The following GPR179 variants were observed in gnomAD, a reference collection of about 807,000 sequenced individuals.
GPR179 encodes the protein G protein-coupled receptor 179.
Under a neutral mutation model 70.8 loss-of-function variants are expected in GPR179, and 52 were observed. The observed-to-expected ratio is 0.73, with a 90% CI of 0.59 to 0.93. The LOEUF (loss-of-function observed/expected upper bound fraction) is 0.93, where lower values mean the gene tolerates loss of function less well. Ranked by LOEUF, GPR179 falls within the 40% of genes least tolerant of loss-of-function variation. The pLI, the probability that GPR179 is intolerant of heterozygous loss-of-function variation, is 0.00. For missense variants in GPR179, 2,734 were observed against 2,966.8 expected, an observed-to-expected ratio of 0.92 and a Z score of 1.82; for synonymous variants, 1,123 against 1,169.0, an observed-to-expected ratio of 0.96 and a Z score of 0.80.
Position 38,343,285 on chromosome 17 carries a change from T to C in GPR179, c.505A>G (p.Thr169Ala), listed in dbSNP as rs868346631. 6.2e-7 allele frequency: 1 copy of C among 1,614,094 alleles called. No homozygotes were observed. Among genetic ancestry groups the C allele is most frequent in the African/African-American group, 1.3e-5 (1 of 75,020 alleles). The change falls in exon 1 of 11, where the codon ACT (threonine) becomes GCT (alanine). Residue 169 changes from threonine to alanine, a missense_variant. Transcript: ENST00000616987. This position sits in a 1 kb window ranked among gnomAD's most constrained non-coding sequence, Gnocchi z 4.2. ...TCCTGCAGGATGGTTTCCTCCCCAG[T>C]CCGGGTGGCCTGCAGGGCCAGCTGT... Reference protein sequence around the residue: ...HLQLALQATRTGEETILQDLS... With the variant: ...HLQLALQATRAGEETILQDLS...
At position 38,327,453 on chromosome 17, in the gene GPR179, C is replaced by T. The variant is rs755803717; in HGVS notation, c.6116G>A (p.Gly2039Glu). ...VKGVSRQDGK[G>E]DSQEEKGRAP... ...TCTGCCTTTCTCTTCTTGAGAGTCCCCTTTTCCATCCTGCCTTGACACCCC... is the reference window on the plus strand; with the variant it reads ...TCTGCCTTTCTCTTCTTGAGAGTCCTCTTTTCCATCCTGCCTTGACACCCC... The change falls in exon 11 of 11, where the codon GGG becomes GAG. Residue 2039 changes from glycine (G) to glutamate (E), a missense_variant. Coordinates refer to ENST00000616987, the MANE Select transcript of GPR179 (RefSeq NM_001004334.4). The T allele has an allele frequency of 1.2e-6, 2 of 1,614,082 alleles. No individual in the cohort carries two copies. Among genetic ancestry groups the T allele is most frequent in the Admixed American group, 1.7e-5 (1 of 60,010 alleles).
chr17:38,335,357 G>A (rs1597667186), intron 6 of GPR179, 86 bp from the exon 7 acceptor site: 1 of 1,027,036 alleles, frequency 9.7e-7, no homozygotes. Flanking sequence ...TCTGTCCATT[G>A]CTGCCCTCTC....
chr17:38,341,996 A>G (rs2037452631), intron 1 of GPR179, among the ~76,000 whole-genome samples: 1 of 152,130 alleles, frequency 6.6e-6, no homozygotes, highest in African/African-American at 2.4e-5. Flanking sequence ...GCGCACCTGT[A>G]ATCCCAGCTA....
chr17:38,333,863 AC>A (rs1275035739), intron 9 of GPR179, 69 bp downstream of exon 9: 1 of 1,231,440 alleles, frequency 8.1e-7, no homozygotes, highest in Non-Finnish European at 1.2e-6. Flanking sequence ...GCGCTGCGGG[AC>A]AACCGCTCCA....
Position 38,335,068 on chromosome 17 carries a change from CAG to C in GPR179, c.1608_1609del (p.Cys537SerfsTer13). On this transcript the variant is annotated frameshift_variant, in exon 7 of 11. Transcript: ENST00000616987. LOFTEE classifies it high-confidence loss of function. ...GATGTAGTCCCAGCGGTCGTGGTGA[CAG>C]AGGTAGAAATGGCGGCCACTGGGAG... is the stretch of plus-strand genomic sequence containing the variant. 1 of 1,613,728 alleles carries C rather than the reference CAG, an allele frequency of 6.2e-7. No homozygotes were observed. Among genetic ancestry groups the C allele is most frequent in the South Asian group, 1.1e-5 (1 of 91,082 alleles).
intron 4 of GPR179, 50 bp from the exon 5 acceptor site, chr17:38,336,194 A>G: frequency 2.4e-6 from 3 of 1,250,960 alleles, no homozygotes; most frequent in Non-Finnish European, 1.2e-6. Context: ...CGATGGTTCT[A>G]GAGGCTCTCA....
Position 38,327,896 on chromosome 17 carries a change from G to A in GPR179, c.5673C>T (p.Ile1891=). ...LRESPAQAPK[I]SDLPSSMSSE... is the part of the protein sequence containing the mutation. ...TACTCATGCTGCTGGGCAAGTCTGA[G>A]ATCTTGGGGGCCTGAGCAGGGGATT... The change falls in exon 11 of 11, where the codon ATC becomes ATT. Residue 1891 remains isoleucine, a synonymous_variant. Transcript: ENST00000616987. The A allele has an allele frequency of 6.2e-7, 1 of 1,614,204 alleles. No individual in the cohort carries two copies. The highest frequency in any genetic ancestry group is 8.5e-7 in the Non-Finnish European group (1 of 1,180,036).
intron 10 of GPR179, 129 bp from the exon 11 acceptor site, chr17:38,331,660 C>T (rs71384214): frequency 0.013 from 18,663 of 1,447,482 alleles, 178 homozygotes; most frequent in Middle Eastern, 0.026. Context: ...TATCTCTTCC[C>T]TGCTTCTAAA....
At chr17:38,336,051 G>T in intron 5 of GPR179, 25 bp downstream of exon 5, 1 of 1,582,358 alleles carries the variant, frequency 6.3e-7, no homozygotes, top group Non-Finnish European at 8.7e-7. Context: ...TGGAAGGTGG[G>T]GCCAGCCTGT....
chr17:38,327,329 T>C lies in GPR179; in HGVS notation c.6240A>G (p.Gln2080=). 1 of 1,614,250 alleles carries C rather than the reference T, an allele frequency of 6.2e-7. No homozygotes were observed. Among genetic ancestry groups the C allele is most frequent in the Non-Finnish European group, 8.5e-7 (1 of 1,180,042 alleles). The change falls in exon 11 of 11, where the codon CAA becomes CAG. Residue 2080 remains glutamine, a synonymous_variant. Transcript: ENST00000616987. ...GCTGTGGGGACAGACCCTTGCCATC[T>C]TGACTCTCCCAGGGACACACAGCCT... The part of the protein sequence containing the change: ...QQEAVCPWES[Q]DGKGLSPQPA...
In GPR179 at chr17:38,328,464, G is replaced by A; in HGVS notation, c.5105C>T (p.Ala1702Val). 6.2e-7 allele frequency: 1 copy of A among 1,614,092 alleles called. No individual in the cohort carries two copies. The highest frequency in any genetic ancestry group is 8.5e-7 in the Non-Finnish European group (1 of 1,180,018). Residue 1702 changes from alanine (A) to valine (V), a missense_variant, in exon 11 of 11, where the codon GCA becomes GTA. Transcript: ENST00000616987. ...DVEENLTAGKAEICPWEVGAG... is the reference protein window; with the variant it reads ...DVEENLTAGKVEICPWEVGAG... Reference sequence around the variant, plus strand: ...ACCCACCTCCCAGGGACAGATTTCTGCCTTCCCAGCAGTCAAGTTTTCCTC... The same window carrying A: ...ACCCACCTCCCAGGGACAGATTTCTACCTTCCCAGCAGTCAAGTTTTCCTC...
At chr17:38,339,807 C>T (rs900937248) in intron 1 of GPR179, among the ~76,000 whole-genome samples, 1 of 152,192 alleles carries the variant, frequency 6.6e-6, no homozygotes, top group African/African-American at 2.4e-5. Flanking sequence ...TCCCCCTCCC[C>T]CAGAGCAAGA....
chr17:38,335,054 A>C lies in GPR179; in HGVS notation c.1624T>G (p.Trp542Gly). ...TCACCCACAACCATGATGTAGTCCCAGCGGTCGTGGTGACAGAGGTAGAAA... is the reference window on the plus strand; with the variant it reads ...TCACCCACAACCATGATGTAGTCCCCGCGGTCGTGGTGACAGAGGTAGAAA... Reference protein sequence around the residue: ...RHFYLCHHDRWDYIMVVAELL... With the variant: ...RHFYLCHHDRGDYIMVVAELL... Residue 542 changes from tryptophan to glycine, a missense_variant, in exon 7 of 11, where the codon TGG (tryptophan) becomes GGG (glycine). Physicochemically the swap from Trp to Gly is radical, Grantham distance 184 (BLOSUM62 -2). Coordinates refer to ENST00000616987, the MANE Select transcript of GPR179 (RefSeq NM_001004334.4). 2 of 1,613,440 alleles carry C rather than the reference A, an allele frequency of 1.2e-6. No individual in the cohort carries two copies. The highest frequency in any genetic ancestry group is 1.7e-6 in the Non-Finnish European group (2 of 1,179,706).
intron 4 of GPR179, 31 bp downstream of exon 4, chr17:38,336,947 A>G (rs747868630): frequency 1.3e-6 from 2 of 1,551,238 alleles, no homozygotes; most frequent in South Asian, 2.4e-5. Flanking sequence ...TGGGTCGGAC[A>G]TGTGTGTAGG....
rs1597666852 is a variant in GPR179 at position 38,335,047 on chromosome 17, T to C, written c.1631A>G (p.Tyr544Cys). The C allele has an allele frequency of 1.2e-6, 2 of 1,612,836 alleles. No individual in the cohort carries two copies. The highest frequency in any genetic ancestry group is 2.2e-5 in the East Asian group (1 of 44,864). The change falls in exon 7 of 11, where the codon TAC becomes TGC. Residue 544 changes from tyrosine (Y) to cysteine (C), a missense_variant. Physicochemically the swap from Tyr to Cys is radical, Grantham distance 194 (BLOSUM62 -2). Transcript: ENST00000616987. ...FYLCHHDRWD[Y>C]IMVVAELLLL... ...AAGCAGCTCACCCACAACCATGATGTAGTCCCAGCGGTCGTGGTGACAGAG... is the reference window on the plus strand; with the variant it reads ...AAGCAGCTCACCCACAACCATGATGCAGTCCCAGCGGTCGTGGTGACAGAG...
chr17:38,339,332 C>A, intron 2 of GPR179, 85 bp downstream of exon 2: 1 of 819,462 alleles, frequency 1.2e-6, no homozygotes. Context: ...TTGTCTGCTG[C>A]TCCTGGGAGC....
chr17:38,328,622 G>C lies in GPR179; in HGVS notation c.4947C>G (p.Gly1649=). The part of the protein sequence containing the change: ...EGQIQKQEAV[G]PWESVDPGSF... Reference sequence around the variant, plus strand: ...TGCCAGGGTCCACACTCTCCCAGGGGCCGACCGCTTCTTGCTTTTGGATCT... The same window carrying C: ...TGCCAGGGTCCACACTCTCCCAGGGCCCGACCGCTTCTTGCTTTTGGATCT... The change falls in exon 11 of 11, where the codon GGC becomes GGG. Residue 1649 remains glycine, a synonymous_variant. Transcript: ENST00000616987. 6.2e-7 allele frequency: 1 copy of C among 1,614,078 alleles called. No individual in the cohort carries two copies. The highest frequency in any genetic ancestry group is 8.5e-7 in the Non-Finnish European group (1 of 1,179,996).
intron 1 of GPR179, among the ~76,000 whole-genome samples, chr17:38,342,297 T>C (rs896076777): frequency 6.6e-6 from 1 of 150,722 alleles, no homozygotes; most frequent in Non-Finnish European, 1.5e-5. Flanking sequence ...TTCTCAGGCC[T>C]GGGGGCCAAG....
rs370762282 is a variant in GPR179, at chr17:38,324,601, G to GCC, written c.*1862_*1863dup. Among the ~76,000 whole-genome samples the GCC allele has an allele frequency of 4.9e-5, 6 of 123,336 alleles. No homozygotes were observed. The highest frequency in any genetic ancestry group is 1.8e-4 in the African/African-American group (6 of 32,498). The allele number at this position is 123,336 out of a possible 152,430, so 80.9% of individuals were successfully genotyped here. A position where few individuals can be genotyped will look rare whatever the true frequency, so the allele number is the denominator to read the frequency against. On this transcript the variant is annotated 3_prime_UTR_variant, in exon 11 of 11. Coordinates refer to ENST00000616987, the MANE Select transcript of GPR179 (RefSeq NM_001004334.4). Reference sequence around the variant, plus strand: ...AAAAAGCATTCTTTATTTCCGCCCCGCCCCCCCCACCCCATGGTTTATTTC... The same window carrying GCC: ...AAAAAGCATTCTTTATTTCCGCCCCGCCCCCCCCCCACCCCATGGTTTATTTC...
Sources: allele counts gnomAD v4.1 joint callset (sites outside exome capture counted in the v4.1 genomes callset), GRCh38; gene constraint gnomAD v4.1.1; non-coding constraint Gnocchi (gnomAD v3.1); transcripts MANE v1.5; gene names NCBI Gene and HGNC (gene_info 2026-07-23, HGNC 2026-07-21).